Variants in SORCS2 observed in about 807,000 individuals in gnomAD.
The protein encoded by SORCS2 is sortilin related VPS10 domain containing receptor 2.
A neutral mutation model predicts 141.6 loss-of-function variants in SORCS2; 100 were observed. That is an observed-to-expected ratio of 0.71 (90% CI 0.60 to 0.83). SORCS2 has a LOEUF of 0.83. SORCS2 is among the 40% of genes least tolerant of loss of function. SORCS2 has a pLI of 0.00. For synonymous variants in SORCS2, 789 were observed against 676.9 expected (o/e 1.17, Z -2.57); for missense variants, 1,646 against 1,560.2 (o/e 1.05, Z -0.93).
intron 5 of SORCS2, among the ~76,000 whole-genome samples, chr4:7,660,056 T>G (rs543781971): frequency 6.6e-6 from 1 of 152,290 alleles, no homozygotes; most frequent in African/African-American, 2.4e-5. Flanking sequence ...ATAAGTATGA[T>G]AAGGCAACTA....
intron 1 of SORCS2, among the ~76,000 whole-genome samples, chr4:7,338,206 T>TTGGA (rs1304701902): frequency 2.1e-4 from 26 of 123,246 alleles, no homozygotes; most frequent in South Asian, 5.3e-4. Context: ...TGGATGTTGG[T>TTGGA]TGGATGGATG....
intron 1 of SORCS2, among the ~76,000 whole-genome samples, chr4:7,348,344 A>G (rs1358517756): frequency 1.3e-5 from 2 of 151,976 alleles, no homozygotes; most frequent in Non-Finnish European, 2.9e-5. Flanking sequence ...AATAAAAACA[A>G]CTCTGATTTC....
At chr4:7,632,822 C>T (rs1332678859) in intron 3 of SORCS2, among the ~76,000 whole-genome samples, 3 of 152,074 alleles carry the variant, frequency 2.0e-5, no homozygotes, top group African/African-American at 7.2e-5. Context: ...CCAAGAGGAC[C>T]CTAGGGCCAC....
At position 7,233,565 on chromosome 4, in the gene SORCS2, G is replaced by T. The variant is rs1326336874; in HGVS notation, c.480+40439G>T. ...GCAGCTGTGGTGGTGGGTGGACGGG[G>T]TGGGTGCTGGGACGAGGACTCAGGA... is the stretch of plus-strand genomic sequence containing the variant. On this transcript the variant is annotated intron_variant, in intron 1 of 26. Transcript: ENST00000507866. This position sits in a 1 kb window ranked among gnomAD's most constrained non-coding sequence, Gnocchi z 4.5. Among the ~76,000 whole-genome samples the T allele has an allele frequency of 2.6e-5, 4 of 152,308 alleles. No individual in the cohort carries two copies. The East Asian group carries it at 7.7e-4, about 29-fold the overall frequency.
chr4:7,301,077 TCTC>T (rs1280391504), intron 1 of SORCS2, among the ~76,000 whole-genome samples: 4 of 152,070 alleles, frequency 2.6e-5, no homozygotes, highest in African/African-American at 9.7e-5. Flanking sequence ...GGCCCCATCT[TCTC>T]CTTGTTTCCT....
intron 1 of SORCS2, among the ~76,000 whole-genome samples, chr4:7,292,664 G>A (rs1370956499): frequency 1.3e-5 from 2 of 152,200 alleles, no homozygotes; most frequent in African/African-American, 2.4e-5. Flanking sequence ...GGTTCAAGGG[G>A]GTTTGGTGAC....
intron 3 of SORCS2, among the ~76,000 whole-genome samples, chr4:7,600,656 T>TACACACAC (rs57789330): frequency 6.4e-5 from 9 of 140,900 alleles, no homozygotes; most frequent in Admixed American, 1.4e-4. Context: ...CATATATATA[T>TACACACAC]ACACACACAC....
chr4:7,487,542 TC>T (rs1731064836), intron 2 of SORCS2, among the ~76,000 whole-genome samples: 1 of 152,194 alleles, frequency 6.6e-6, no homozygotes, highest in Non-Finnish European at 1.5e-5. Flanking sequence ...AAATTCTCTC[TC>T]CTTTGCCTGC....
intron 2 of SORCS2, among the ~76,000 whole-genome samples, chr4:7,505,315 G>A (rs996528676): frequency 6.6e-6 from 1 of 152,202 alleles, no homozygotes; most frequent in South Asian, 2.1e-4. Context: ...CCGGCGGGGA[G>A]CCAGGCACGG....
At chr4:7,288,365 T>G (rs1716367705) in intron 1 of SORCS2, among the ~76,000 whole-genome samples, 1 of 150,926 alleles carries the variant, frequency 6.6e-6, no homozygotes, top group South Asian at 2.1e-4. Context: ...CATAGGGGAG[T>G]GAGGGGCTCT....
intron 2 of SORCS2, among the ~76,000 whole-genome samples, chr4:7,523,635 G>C (rs544455448): frequency 2.6e-5 from 4 of 152,256 alleles, no homozygotes; most frequent in African/African-American, 7.2e-5. Context: ...AGCCGGGGCA[G>C]CAACTGAATG....
rs80094136 is a variant in SORCS2, at chr4:7,371,959, G to C, written c.481-24329G>C. Among the ~76,000 whole-genome samples, 894 of 152,342 alleles carry C rather than the reference G, an allele frequency of 5.9e-3. 5 individuals carry two copies. The highest frequency in any genetic ancestry group is 0.011 in the Non-Finnish European group (720 of 68,034). ...TGGCAGGAAGCTCGTGGGGCCGGTGGGGGAGTGAGGGAAGATGCCTATCCT... is the reference window on the plus strand; with the variant it reads ...TGGCAGGAAGCTCGTGGGGCCGGTGCGGGAGTGAGGGAAGATGCCTATCCT... On this transcript the variant is annotated intron_variant, in intron 1 of 26. Coordinates refer to ENST00000507866, the MANE Select transcript of SORCS2 (RefSeq NM_020777.3).
At chr4:7,551,705 C>G (rs1356335361) in intron 3 of SORCS2, among the ~76,000 whole-genome samples, 1 of 152,210 alleles carries the variant, frequency 6.6e-6, no homozygotes, top group Non-Finnish European at 1.5e-5. Flanking sequence ...ACACCCTCAC[C>G]CGGAGCCTTC....
intron 2 of SORCS2, among the ~76,000 whole-genome samples, chr4:7,503,940 C>A (rs1732124613): frequency 6.6e-6 from 1 of 152,130 alleles, no homozygotes; most frequent in Non-Finnish European, 1.5e-5. Context: ...AAGAGCTTTC[C>A]TCTGCCAGCC....
At chr4:7,349,300 G>T (rs918887075) in intron 1 of SORCS2, among the ~76,000 whole-genome samples, 1 of 152,162 alleles carries the variant, frequency 6.6e-6, no homozygotes, top group Non-Finnish European at 1.5e-5. Context: ...GATTCTGGAC[G>T]GCTGCAGGTC....
intron 10 of SORCS2, among the ~76,000 whole-genome samples, chr4:7,683,423 G>A (rs879553865): frequency 6.8e-6 from 1 of 146,042 alleles, no homozygotes; most frequent in Non-Finnish European, 1.5e-5. Flanking sequence ...TGGCTCTGCT[G>A]ATCTTGTCTG....
intron 2 of SORCS2, among the ~76,000 whole-genome samples, chr4:7,511,625 G>T (rs1425890434): frequency 6.6e-6 from 1 of 152,158 alleles, no homozygotes; most frequent in Non-Finnish European, 1.5e-5. Flanking sequence ...TGCAGAGCTG[G>T]CCTGGGCGTG....
At chr4:7,466,461 G>A (rs1729623331) in intron 2 of SORCS2, among the ~76,000 whole-genome samples, 1 of 152,194 alleles carries the variant, frequency 6.6e-6, no homozygotes, top group African/African-American at 2.4e-5. Context: ...ATGGGGGCAG[G>A]GGGTGCATGG....
At chr4:7,487,666 G>T (rs995377748) in intron 2 of SORCS2, among the ~76,000 whole-genome samples, 5 of 152,218 alleles carry the variant, frequency 3.3e-5, no homozygotes, top group African/African-American at 7.2e-5. Context: ...TCACGTAGCG[G>T]TGATAGACGG....
Sources: gnomAD v4.1 joint callset for allele counts (sites outside exome capture counted in the v4.1 genomes callset) on GRCh38, gnomAD v4.1.1 for gene constraint, Gnocchi (gnomAD v3.1) non-coding constraint, MANE v1.5 for transcripts, NCBI Gene and HGNC (gene_info 2026-07-23, HGNC 2026-07-21) for gene names.